EHMT1: variants seen among roughly 807,000 people sequenced by gnomAD.
EHMT1 encodes euchromatic histone lysine methyltransferase 1.
EHMT1 carries 15 observed loss-of-function variants against 147.2 expected under a neutral mutation model. The ratio of observed to expected loss-of-function variants is 0.10; its 90% CI spans 0.07 to 0.16. The LOEUF is 0.16. Among genes scored for constraint, EHMT1 ranks in the 10% least tolerant of loss-of-function variants. The pLI is 1.00. For missense variants in EHMT1, 1,587 were observed against 1,772.4 expected, an observed-to-expected ratio of 0.90 and a Z score of 1.88; for synonymous variants, 795 against 709.6, an observed-to-expected ratio of 1.12 and a Z score of -1.91.
At chr9:137,814,351 T>A in intron 21 of EHMT1, 80 bp from the exon 22 acceptor site, 1 of 1,462,278 alleles carries the variant, frequency 6.8e-7, no homozygotes, top group Non-Finnish European at 9.5e-7. Flanking sequence ...TTAACAGAAC[T>A]GGAAGACGTA....
At chr9:137,708,835 A>C (rs1418316661) in intron 1 of EHMT1, among the ~76,000 whole-genome samples, 1 of 152,168 alleles carries the variant, frequency 6.6e-6, no homozygotes, top group Non-Finnish European at 1.5e-5. Context: ...TTCAGGTCTG[A>C]GTGGCATACA....
chr9:137,651,563 G>A (rs568991232), intron 1 of EHMT1, among the ~76,000 whole-genome samples: 69 of 152,230 alleles, frequency 4.5e-4, no homozygotes, highest in Admixed American at 9.8e-4. Context: ...CGAGGCAGGC[G>A]GATCACTTGA....
rs555587785 is a variant in EHMT1 at position 137,722,766 on chromosome 9, G to A, written c.643-5583G>A. Among the ~76,000 whole-genome samples, 92 of 151,952 alleles carry A rather than the reference G, an allele frequency of 6.1e-4. 1 individual carries two copies. The highest frequency in any genetic ancestry group is 1.6e-3 in the African/African-American group (66 of 41,434). On this transcript the variant is annotated intron_variant, in intron 3 of 26. Coordinates refer to ENST00000460843, the MANE Select transcript of EHMT1 (RefSeq NM_024757.5). ...GCGGTAGGGTGCCTGCCCTGCACCC[G>A]GAGTGTGCTCTGTATCTGTGGGCCC... is the stretch of plus-strand genomic sequence containing the variant.
At chr9:137,658,138 G>A (rs534388516) in intron 1 of EHMT1, among the ~76,000 whole-genome samples, 3 of 152,106 alleles carry the variant, frequency 2.0e-5, no homozygotes, top group East Asian at 1.9e-4. Flanking sequence ...TCTGTCACTC[G>A]CGGCTCTTCC....
chr9:137,768,178 C>T (rs1564724366), intron 10 of EHMT1, among the ~76,000 whole-genome samples: 1 of 152,140 alleles, frequency 6.6e-6, no homozygotes, highest in Non-Finnish European at 1.5e-5. Flanking sequence ...TCCCAGAACA[C>T]ACCGTGTTGT....
intron 2 of EHMT1, chr9:137,715,800 A>G (rs1428749042): frequency 2.0e-6 from 2 of 985,172 alleles, no homozygotes; most frequent in Non-Finnish European, 1.2e-6. Context: ...TCTGTTAGTT[A>G]TTGTGAAGCC....
At chr9:137,769,372 T>C (rs1302728801) in intron 10 of EHMT1, among the ~76,000 whole-genome samples, 2 of 152,276 alleles carry the variant, frequency 1.3e-5, no homozygotes, top group Admixed American at 6.5e-5. Context: ...GGTATTATTA[T>C]ATTGTATCTA....
chr9:137,807,195 C>G (rs12337724), intron 18 of EHMT1, among the ~76,000 whole-genome samples: 21,761 of 152,190 alleles, frequency 0.14, 5,087 homozygotes, highest in African/African-American at 0.49. Flanking sequence ...TGTAGGAGTT[C>G]TCAGAGTGGT....
intron 1 of EHMT1, among the ~76,000 whole-genome samples, chr9:137,694,032 T>A (rs1403601674): frequency 1.1e-5 from 1 of 89,592 alleles, no homozygotes; most frequent in African/African-American, 4.7e-5. Flanking sequence ...GCGATGGTGC[T>A]GGACGCTGGC....
At chr9:137,660,751 G>A (rs2134074342) in intron 1 of EHMT1, among the ~76,000 whole-genome samples, 1 of 152,156 alleles carries the variant, frequency 6.6e-6, no homozygotes, top group Non-Finnish European at 1.5e-5. Context: ...AATTTTTCCT[G>A]TAGAGGTCTT....
chr9:137,743,652 T>G, intron 5 of EHMT1, 124 bp downstream of exon 5: 1 of 1,431,404 alleles, frequency 7.0e-7, no homozygotes, highest in Non-Finnish European at 9.7e-7. Flanking sequence ...ATGAAGCTCC[T>G]CTGCCATAGG....
intron 10 of EHMT1, among the ~76,000 whole-genome samples, chr9:137,773,676 TGTGAA>T (rs1950738739): frequency 1.3e-5 from 2 of 152,244 alleles, no homozygotes; most frequent in African/African-American, 4.8e-5. Context: ...AGTTGCTTGC[TGTGAA>T]GTTTGGACAG....
At chr9:137,701,318 C>T (rs1943806882) in intron 1 of EHMT1, among the ~76,000 whole-genome samples, 1 of 150,506 alleles carries the variant, frequency 6.6e-6, no homozygotes. Flanking sequence ...GAGTCTCACT[C>T]TGTCACCTAG....
intron 1 of EHMT1, among the ~76,000 whole-genome samples, chr9:137,635,276 G>A (rs776687344): frequency 6.6e-6 from 1 of 151,076 alleles, no homozygotes; most frequent in Non-Finnish European, 1.5e-5. Flanking sequence ...GCGTGATCTC[G>A]GGTCACTGCA....
At chr9:137,742,543 C>T (rs928334232) in intron 4 of EHMT1, among the ~76,000 whole-genome samples, 4 of 151,944 alleles carry the variant, frequency 2.6e-5, no homozygotes, top group Admixed American at 2.0e-4. Flanking sequence ...TCTTTAAATC[C>T]TGGAACTTAA....
chr9:137,815,707 G>T, intron 22 of EHMT1: 1 of 535,374 alleles, frequency 1.9e-6, no homozygotes, highest in South Asian at 2.0e-5. Context: ...CTGGCCCCAG[G>T]CTGGGCCTAG....
intron 15 of EHMT1, among the ~76,000 whole-genome samples, chr9:137,790,024 C>T (rs768885729): frequency 9.9e-5 from 15 of 152,242 alleles, no homozygotes; most frequent in Non-Finnish European, 2.2e-4. Flanking sequence ...GCTGCCGTGC[C>T]CGGCCTCTCC....
rs916621197 is a variant in EHMT1 at position 137,726,055 on chromosome 9, G to A, written c.643-2294G>A. 2.0e-5 allele frequency among the ~76,000 whole-genome samples: 3 copies of A among 152,092 alleles called. No individual in the cohort carries two copies. The South Asian group carries it at 6.2e-4, about 32-fold the overall frequency. On this transcript the variant is annotated intron_variant, in intron 3 of 26. Transcript: ENST00000460843. Reference sequence around the variant, plus strand: ...CTTATGACCTTGGTTACTTCTCCCTGGCCTTGACTATAGTTGATGCAGGTG... The same window carrying A: ...CTTATGACCTTGGTTACTTCTCCCTAGCCTTGACTATAGTTGATGCAGGTG...
chr9:137,725,307 CAT>C (rs762460416), intron 3 of EHMT1, among the ~76,000 whole-genome samples: 7 of 151,812 alleles, frequency 4.6e-5, no homozygotes, highest in Non-Finnish European at 7.4e-5. Flanking sequence ...GTGTGGCAGA[CAT>C]GTGGCCTTCG....
Sources: gnomAD v4.1 joint callset for allele counts (sites outside exome capture counted in the v4.1 genomes callset) on GRCh38, gnomAD v4.1.1 for gene constraint, MANE v1.5 for transcripts, NCBI Gene and HGNC (gene_info 2026-07-23, HGNC 2026-07-21) for gene names.